TENM3: variants seen among roughly 807,000 people sequenced by gnomAD.
TENM3 encodes the protein teneurin transmembrane protein 3.
In TENM3, 63 loss-of-function variants were observed where a neutral mutation model predicts 255.1. The observed-to-expected ratio is 0.25, with a 90% CI of 0.20 to 0.30. TENM3 has a LOEUF of 0.30. TENM3 is among the 10% of genes least tolerant of loss of function. The pLI is 1.00. For synonymous variants in TENM3, 1,306 were observed against 1,322.3 expected, an observed-to-expected ratio of 0.99 and a Z score of 0.27; for missense variants, 2,929 against 3,461.1, an observed-to-expected ratio of 0.85 and a Z score of 3.86.
At chr4:181,992,875 A>G in the TENM3 span, among the ~76,000 whole-genome samples, 1 of 152,182 alleles carries the variant, frequency 6.6e-6, no homozygotes, top group East Asian at 1.9e-4. Flanking sequence ...GACAGATAAA[A>G]TGTACTATTT....
At chr4:181,615,954 C>T in the TENM3 span, among the ~76,000 whole-genome samples, 1 of 152,064 alleles carries the variant, frequency 6.6e-6, no homozygotes, top group Admixed American at 6.6e-5. Flanking sequence ...TTTTTAATAA[C>T]CAGTGGTAAC....
chr4:182,224,112 G>T (rs1308194765), intron 1 of TENM3, among the ~76,000 whole-genome samples: 1 of 152,096 alleles, frequency 6.6e-6, no homozygotes, highest in Admixed American at 6.5e-5. Context: ...AAGATTTTAA[G>T]TATCTTCGGA....
intron 19 of TENM3, among the ~76,000 whole-genome samples, chr4:182,748,418 T>G (rs1400869146): frequency 6.6e-6 from 1 of 152,256 alleles, no homozygotes; most frequent in Non-Finnish European, 1.5e-5. Context: ...TCACAGTAGA[T>G]AGATTACTGA....
the TENM3 span, among the ~76,000 whole-genome samples, chr4:181,901,546 A>G: frequency 1.3e-5 from 2 of 152,222 alleles, no homozygotes; most frequent in Non-Finnish European, 2.9e-5. Flanking sequence ...AAATTACTCA[A>G]TATGTCGTGA....
rs1000298010 is a variant in TENM3, at chr4:182,665,320, T to C, written c.1112-7685T>C. Among the ~76,000 whole-genome samples, 3 of 152,330 alleles carry C rather than the reference T, an allele frequency of 2.0e-5. No individual in the cohort carries two copies. In the East Asian group the frequency reaches 5.8e-4, roughly 29 times the overall value. On this transcript the variant is annotated intron_variant, in intron 6 of 27. Transcript: ENST00000511685. ...TGGCTACTAAATATTTTAAGCCCACTGTTGAGACCTACTGCTCAGAGAAAA... is the reference window on the plus strand; with the variant it reads ...TGGCTACTAAATATTTTAAGCCCACCGTTGAGACCTACTGCTCAGAGAAAA...
chr4:181,727,884 T>A, the TENM3 span, among the ~76,000 whole-genome samples: 20 of 152,326 alleles, frequency 1.3e-4, no homozygotes, highest in South Asian at 6.2e-4. Flanking sequence ...AATGTTACTT[T>A]CAGAAGCAAT....
the TENM3 span, among the ~76,000 whole-genome samples, chr4:181,931,316 G>T: frequency 1.3e-5 from 2 of 152,170 alleles, no homozygotes; most frequent in African/African-American, 4.8e-5. Flanking sequence ...CTTCAGCAAA[G>T]TCTCAAGATA....
chr4:182,382,121 A>G (rs980005878), intron 3 of TENM3, among the ~76,000 whole-genome samples: 44 of 152,216 alleles, frequency 2.9e-4, no homozygotes, highest in Non-Finnish European at 3.4e-4. Context: ...ATCTATGGCT[A>G]TGAAGAGAGC....
chr4:181,939,020 T>A, the TENM3 span, among the ~76,000 whole-genome samples: 5 of 152,034 alleles, frequency 3.3e-5, no homozygotes, highest in Admixed American at 6.6e-5. Flanking sequence ...TAGAACATGC[T>A]ATAAAGACAA....
chr4:182,349,302 T>C (rs1353275373), intron 3 of TENM3, among the ~76,000 whole-genome samples: 1 of 152,208 alleles, frequency 6.6e-6, no homozygotes, highest in Non-Finnish European at 1.5e-5. Context: ...GGAAATAAAA[T>C]AGATACGTTG....
intron 3 of TENM3, among the ~76,000 whole-genome samples, chr4:182,518,648 A>G (rs1284331276): frequency 6.6e-6 from 1 of 152,172 alleles, no homozygotes; most frequent in African/African-American, 2.4e-5. Flanking sequence ...ATTGCAAGGA[A>G]ATCCCCAAAC....
At chr4:182,770,665 C>T (rs1034568277) in intron 22 of TENM3, among the ~76,000 whole-genome samples, 1 of 152,248 alleles carries the variant, frequency 6.6e-6, no homozygotes, top group Non-Finnish European at 1.5e-5. Context: ...GAACACATCT[C>T]CCCTTCTGCT....
chr4:181,898,542 C>G, the TENM3 span, among the ~76,000 whole-genome samples: 1 of 152,086 alleles, frequency 6.6e-6, no homozygotes, highest in Non-Finnish European at 1.5e-5. Flanking sequence ...TTCTCTGGTC[C>G]CACTGAAATG....
chr4:181,594,503 C>T, the TENM3 span, among the ~76,000 whole-genome samples: 974 of 152,256 alleles, frequency 6.4e-3, 12 homozygotes, highest in African/African-American at 0.022. Flanking sequence ...CTCCTTACTA[C>T]TATCCATTGG....
intron 5 of TENM3, among the ~76,000 whole-genome samples, chr4:182,652,588 T>G (rs557987166): frequency 6.6e-6 from 1 of 152,316 alleles, no homozygotes; most frequent in Admixed American, 6.5e-5. Context: ...AAGGCTAAAT[T>G]CTAGACTGAA....
At chr4:181,894,286 C>T in the TENM3 span, among the ~76,000 whole-genome samples, 1 of 152,100 alleles carries the variant, frequency 6.6e-6, no homozygotes, top group Non-Finnish European at 1.5e-5. Context: ...GCACTGTCTA[C>T]CGTAATTACA....
the TENM3 span, among the ~76,000 whole-genome samples, chr4:182,008,095 G>A: frequency 1.3e-5 from 2 of 152,200 alleles, no homozygotes; most frequent in Non-Finnish European, 2.9e-5. Context: ...GAGGTCTGCT[G>A]TTAGTCTGAT....
chr4:181,947,950 A>G, the TENM3 span, among the ~76,000 whole-genome samples: 6 of 152,146 alleles, frequency 3.9e-5, no homozygotes, highest in Admixed American at 1.3e-4. Flanking sequence ...CAATATTTCT[A>G]GTATATCACA....
the TENM3 span, among the ~76,000 whole-genome samples, chr4:181,675,526 A>C: frequency 1.3e-5 from 2 of 152,166 alleles, no homozygotes; most frequent in Non-Finnish European, 2.9e-5. Flanking sequence ...GGAATTGTAC[A>C]TGTGACAGTA....
Sources: allele counts gnomAD v4.1 joint callset (sites outside exome capture counted in the v4.1 genomes callset), GRCh38; gene constraint gnomAD v4.1.1; transcripts MANE v1.5; gene names NCBI Gene and HGNC (gene_info 2026-07-23, HGNC 2026-07-21).